Variants in FARSA observed in about 807,000 individuals in gnomAD.
FARSA encodes phenylalanine--tRNA ligase alpha subunit.
Under a neutral mutation model 63.2 loss-of-function variants are expected in FARSA, and 37 were observed. The ratio of observed to expected loss-of-function variants is 0.59; its 90% CI spans 0.45 to 0.77. The LOEUF (loss-of-function observed/expected upper bound fraction) is 0.77, where lower values mean the gene tolerates loss of function less well. Ranked by LOEUF, FARSA falls within the 30% of genes least tolerant of loss-of-function variation. The probability of loss-of-function intolerance (pLI) is 0.00; values close to 1 mark genes in which losing one functional copy is unlikely to be tolerated. For missense variants in FARSA, 618 were observed against 696.6 expected, an observed-to-expected ratio of 0.89 and a Z score of 1.27; for synonymous variants, 312 against 285.1, an observed-to-expected ratio of 1.09 and a Z score of -0.95.
rs1275132101 is a variant in FARSA, at chr19:12,924,332, C to T, written c.1274-67G>A. The stretch of plus-strand genomic sequence containing the variant: ...TTTCTGGGCACTGCTGGTACAGGTT[C>T]TGGGTCTAGGTGGTGAGCTTGGGAG... On this transcript the variant is annotated intron_variant, in intron 11 of 12. Coordinates refer to ENST00000314606, the MANE Select transcript of FARSA (RefSeq NM_004461.3). This position sits in a 1 kb window ranked among gnomAD's most constrained non-coding sequence, Gnocchi z 6.4. 1 of 1,551,060 alleles carries T rather than the reference C, an allele frequency of 6.4e-7. No homozygotes were observed.
chr19:12,929,021 A>G (rs1207016782), intron 4 of FARSA, among the ~76,000 whole-genome samples, 174 bp from the exon 5 acceptor site: 1 of 152,082 alleles, frequency 6.6e-6, no homozygotes, highest in Non-Finnish European at 1.5e-5. Context: ...ATCTCCCTGT[A>G]TTCACTCACT....
chr19:12,925,903 C>G (rs1343228878), intron 7 of FARSA, among the ~76,000 whole-genome samples: 2 of 152,154 alleles, frequency 1.3e-5, no homozygotes, highest in African/African-American at 2.4e-5. Context: ...GAACTCCTGA[C>G]TTCAAGTGAT....
intron 6 of FARSA, 21 bp downstream of exon 6, chr19:12,928,514 C>A (rs1212972003): frequency 6.2e-7 from 1 of 1,613,812 alleles, no homozygotes; most frequent in African/African-American, 1.3e-5. Flanking sequence ...CACCAGGCAC[C>A]GCCCCCAGCC....
intron 1 of FARSA, 100 bp from the exon 2 acceptor site, chr19:12,930,849 T>A: frequency 7.2e-7 from 1 of 1,389,460 alleles, no homozygotes; most frequent in Non-Finnish European, 1.0e-6. Flanking sequence ...GCACAGCCCT[T>A]AAAGCTAGGT....
Position 12,933,616 on chromosome 19 carries a change from C to T in FARSA, c.81G>A (p.Ala27=), listed in dbSNP as rs1220656064. The change falls in exon 1 of 13, where the codon GCG becomes GCA. Residue 27 remains alanine (A), a synonymous_variant. Transcript: ENST00000314606. ...CCTGGTGCTCCATGCCCAGCTCAGC[C>T]GCCAACTCGGCGCTGTCCAGGCCGC... is the stretch of plus-strand genomic sequence containing the variant. The part of the protein sequence containing the change: ...SDGGLDSAEL[A]AELGMEHQAV... 1 of 1,557,806 alleles carries T rather than the reference C, an allele frequency of 6.4e-7. No individual in the cohort carries two copies. Among genetic ancestry groups the T allele is most frequent in the Non-Finnish European group, 8.7e-7 (1 of 1,155,634 alleles).
At position 12,924,647 on chromosome 19, in the gene FARSA, G is replaced by T; in HGVS notation, c.1187C>A (p.Thr396Asn). ...CCTGCCCCCCTGCTCACCCAGCTTG[G>T]TGAAGAACTCCCGCAGAACGCCCAT... ...HLMGVLREFF[T>N]KLGITQLRFK... Residue 396 changes from threonine (T) to asparagine (N), a missense_variant, in exon 10 of 13, where the codon ACC (threonine) becomes AAC (asparagine). Physicochemically the swap from Thr to Asn is moderately conservative, Grantham distance 65 (BLOSUM62 0). Coordinates refer to ENST00000314606, the MANE Select transcript of FARSA (RefSeq NM_004461.3). This position sits in a 1 kb window ranked among gnomAD's most constrained non-coding sequence, Gnocchi z 6.4. 1 of 1,603,262 alleles carries T rather than the reference G, an allele frequency of 6.2e-7. No homozygotes were observed. Among genetic ancestry groups the T allele is most frequent in the Admixed American group, 1.7e-5 (1 of 59,512 alleles).
In FARSA at chr19:12,924,584, C is replaced by G. The variant is rs1971303523; in HGVS notation, c.1195+55G>C. On this transcript the variant is annotated intron_variant, in intron 10 of 12. Coordinates refer to ENST00000314606, the MANE Select transcript of FARSA (RefSeq NM_004461.3). The surrounding 1 kb of genome is among the most constrained non-coding windows in gnomAD (Gnocchi z 6.4). ...GGGTTTGGAGGATAATGCTGGTGAT[C>G]AACACACCTGCCCGCTGCCTCACCA... The G allele has an allele frequency of 6.2e-7, 1 of 1,612,042 alleles. No homozygotes were observed. Among genetic ancestry groups the G allele is most frequent in the Admixed American group, 1.7e-5 (1 of 59,974 alleles).
rs769594954 is a variant in FARSA at position 12,924,842 on chromosome 19, G to A, written c.1027-35C>T. ...ACAACCGAGCCAGGCCCAGGTATGG[G>A]TCAGAAGGTCCCTTTGACAGCACCC... On this transcript the variant is annotated intron_variant, in intron 9 of 12. Transcript: ENST00000314606. The surrounding 1 kb of genome is among the most constrained non-coding windows in gnomAD (Gnocchi z 6.4). 2 of 1,613,702 alleles carry A rather than the reference G, an allele frequency of 1.2e-6. No individual in the cohort carries two copies. Among genetic ancestry groups the A allele is most frequent in the Non-Finnish European group, 1.7e-6 (2 of 1,179,826 alleles).
intron 4 of FARSA, 37 bp from the exon 5 acceptor site, chr19:12,928,884 C>T (rs200586174): frequency 6.3e-7 from 1 of 1,588,170 alleles, no homozygotes; most frequent in African/African-American, 1.3e-5. Flanking sequence ...CCACTGCCAT[C>T]TCCTCCTAGA....
At position 12,930,297 on chromosome 19, in the gene FARSA, G is replaced by A; in HGVS notation, c.429C>T (p.Val143=). 6.2e-7 allele frequency: 1 copy of A among 1,613,988 alleles called. No individual in the cohort carries two copies. Among genetic ancestry groups the A allele is most frequent in the Non-Finnish European group, 8.5e-7 (1 of 1,179,984 alleles). The change falls in exon 4 of 13, where the codon GTC becomes GTT. Residue 143 remains valine (V), a synonymous_variant. Coordinates refer to ENST00000314606, the MANE Select transcript of FARSA (RefSeq NM_004461.3). ...CCAGCTTCTCAGCCTGTCCCCCCCGGACCAGCTGGAGCCGCCGCTGCACCT... is the reference window on the plus strand; with the variant it reads ...CCAGCTTCTCAGCCTGTCCCCCCCGAACCAGCTGGAGCCGCCGCTGCACCT... The part of the protein sequence containing the change: ...EDEVQRRLQL[V]RGGQAEKLGE...
At chr19:12,925,325 C>T (rs142296744) in intron 7 of FARSA, 151 bp from the exon 8 acceptor site, 18 of 646,820 alleles carry the variant, frequency 2.8e-5, no homozygotes, top group Admixed American at 1.2e-4. Context: ...AAGTGATTCT[C>T]GTGCCTCAGT....
In FARSA at chr19:12,922,487, A is replaced by G. The variant is rs1018985479; in HGVS notation, c.*261T>C. On this transcript the variant is annotated 3_prime_UTR_variant, in exon 13 of 13. Transcript: ENST00000314606. ...TAAGGAAAGCCACCAGATGGGGGCA[A>G]CTGCCCACTTTATTAGACAATAGGT... is the stretch of plus-strand genomic sequence containing the variant. 8.3e-6 allele frequency: 4 copies of G among 484,694 alleles called. No homozygotes were observed. Among genetic ancestry groups the G allele is most frequent in the Non-Finnish European group, 1.5e-5 (4 of 270,226 alleles). 30.0% of individuals were successfully genotyped at this position (484,694 alleles called of 1,614,324 possible). A position where few individuals can be genotyped will look rare whatever the true frequency, so the allele number is the denominator to read the frequency against.
chr19:12,928,885 T>G (rs1308402899), intron 4 of FARSA, 38 bp from the exon 5 acceptor site: 2 of 1,582,632 alleles, frequency 1.3e-6, no homozygotes. Context: ...CACTGCCATC[T>G]CCTCCTAGAG....
At position 12,928,348 on chromosome 19, in the gene FARSA, G is replaced by A; in HGVS notation, c.835C>T (p.Leu279Phe). 6.2e-7 allele frequency: 1 copy of A among 1,613,894 alleles called. No individual in the cohort carries two copies. Among genetic ancestry groups the A allele is most frequent in the East Asian group, 2.2e-5 (1 of 44,888 alleles). ...PARDQHDTFFLRDPAEALQLP... is the reference protein window; with the variant it reads ...PARDQHDTFFFRDPAEALQLP... ...GCCCTAGGGGCTGACCCACCTCGAAGGAAGAAGGTGTCGTGCTGGTCACGG... is the reference window on the plus strand; with the variant it reads ...GCCCTAGGGGCTGACCCACCTCGAAAGAAGAAGGTGTCGTGCTGGTCACGG... The change falls in exon 7 of 13, where the codon CTT becomes TTT. Residue 279 changes from leucine (L) to phenylalanine (F), a missense_variant. By Grantham distance (22) the Leu-to-Phe change is conservative. Coordinates refer to ENST00000314606, the MANE Select transcript of FARSA (RefSeq NM_004461.3).
At position 12,928,639 on chromosome 19, in the gene FARSA, G is replaced by C. The variant is rs775417991; in HGVS notation, c.621C>G (p.Phe207Leu). Residue 207 changes from phenylalanine to leucine, a missense_variant, in exon 6 of 13, where the codon TTC (phenylalanine) becomes TTG (leucine). By Grantham distance (22) the Phe-to-Leu change is conservative. Transcript: ENST00000314606. ...ISSGSWRDRP[F>L]KPYNFLAHGV... ...CGTGGGCCAAGAAGTTGTAGGGCTT[G>C]AAGGGCCGGTCCCGCCAAGAGCCAC... is the stretch of plus-strand genomic sequence containing the variant. 1 of 1,610,976 alleles carries C rather than the reference G, an allele frequency of 6.2e-7. No individual in the cohort carries two copies. Among genetic ancestry groups the C allele is most frequent in the South Asian group, 1.1e-5 (1 of 90,840 alleles).
At position 12,922,889 on chromosome 19, in the gene FARSA, T is replaced by C; in HGVS notation, c.1389-3A>G. 1.2e-6 allele frequency: 2 copies of C among 1,614,096 alleles called. No homozygotes were observed. Among genetic ancestry groups the C allele is most frequent in the Non-Finnish European group, 1.7e-6 (2 of 1,180,014 alleles). The stretch of plus-strand genomic sequence containing the variant: ...TGCCATATTTGATCATCGTTGGGCT[T>C]GTGGGGGAGGGAACAGAGTTTATCA... On this transcript the variant is annotated splice_region_variant and splice_polypyrimidine_tract_variant and intron_variant, in intron 12 of 12. Transcript: ENST00000314606.
Position 12,931,768 on chromosome 19 carries a change from C to A in FARSA, c.148-1019G>T, listed in dbSNP as rs537671548. 5.9e-5 allele frequency among the ~76,000 whole-genome samples: 9 copies of A among 152,268 alleles called. No homozygotes were observed. The East Asian group carries it at 1.7e-3, about 29-fold the overall frequency. On this transcript the variant is annotated intron_variant, in intron 1 of 12. Coordinates refer to ENST00000314606, the MANE Select transcript of FARSA (RefSeq NM_004461.3). The stretch of plus-strand genomic sequence containing the variant: ...GGGCCCTGGAGGTCCACATTACAAA[C>A]AAAAACTGAGGTTCCAGGTCCAGAG...
Position 12,928,809 on chromosome 19 carries a change from A to C in FARSA, c.542T>G (p.Phe181Cys). 8 of 1,614,084 alleles carry C rather than the reference A, an allele frequency of 5.0e-6. No individual in the cohort carries two copies. The highest frequency in any genetic ancestry group is 6.8e-6 in the Non-Finnish European group (8 of 1,180,012). Reference protein sequence around the residue: ...KTYWVSKGSAFSTSISKQETE... With the variant: ...KTYWVSKGSACSTSISKQETE... ...CTCTTGCTTGGAGATGCTGGTACTA[A>C]AGGCACTGCCTTTGCTCACCCAGTA... The change falls in exon 5 of 13, where the codon TTT becomes TGT. Residue 181 changes from phenylalanine (F) to cysteine (C), a missense_variant. Coordinates refer to ENST00000314606, the MANE Select transcript of FARSA (RefSeq NM_004461.3).
chr19:12,924,289 CGGGCAGTGCGTGTTGAGTTTCT>C lies in FARSA; in HGVS notation c.1274-46_1274-25del. On this transcript the variant is annotated intron_variant, in intron 11 of 12. Coordinates refer to ENST00000314606, the MANE Select transcript of FARSA (RefSeq NM_004461.3). This position sits in a 1 kb window ranked among gnomAD's most constrained non-coding sequence, Gnocchi z 6.4. ...GCCTGCAGAGGCAGGACAGAAAAGA[CGGGCAGTGCGTGTTGAGTTTCT>C]GGGCACTGCTGGTACAGGTTCTGGG... 1 of 1,601,608 alleles carries C rather than the reference CGGGCAGTGCGTGTTGAGTTTCT, an allele frequency of 6.2e-7. No individual in the cohort carries two copies. Among genetic ancestry groups the C allele is most frequent in the Non-Finnish European group, 8.6e-7 (1 of 1,169,026 alleles).
Sources: allele counts gnomAD v4.1 joint callset (sites outside exome capture counted in the v4.1 genomes callset), GRCh38; gene constraint gnomAD v4.1.1; non-coding constraint Gnocchi (gnomAD v3.1); transcripts MANE v1.5; gene names NCBI Gene and HGNC (gene_info 2026-07-23, HGNC 2026-07-21).